The following ZFHX3 variants were observed in gnomAD, a reference collection of about 807,000 sequenced individuals.
ZFHX3 encodes zinc finger homeobox protein 3.
Under a neutral mutation model 279.1 loss-of-function variants are expected in ZFHX3, and 42 were observed. The observed-to-expected ratio is 0.15, with a 90% confidence interval of 0.12 to 0.19. ZFHX3 has a LOEUF of 0.19. Ranked by LOEUF, ZFHX3 falls within the 10% of genes least tolerant of loss-of-function variation. The pLI is 1.00. For synonymous variants in ZFHX3, 2,293 were observed against 1,957.8 expected, an observed-to-expected ratio of 1.17 and a Z score of -4.52; for missense variants, 4,981 against 4,754.0, an observed-to-expected ratio of 1.05 and a Z score of -1.40.
At chr16:73,228,283 G>A (rs764693616) in intron 5 of ZFHX3, among the ~76,000 whole-genome samples, 1 of 152,124 alleles carries the variant, frequency 6.6e-6, no homozygotes, top group Non-Finnish European at 1.5e-5. Context: ...TATGACTGTA[G>A]TGGTATAAAG....
At chr16:73,290,038 CACACACACACACAT>C (rs1199208035) in intron 4 of ZFHX3, among the ~76,000 whole-genome samples, 25 of 146,542 alleles carry the variant, frequency 1.7e-4, no homozygotes, top group South Asian at 4.5e-4. Flanking sequence ...CACACACACA[CACACACACACACAT>C]ATAGACATTT....
At chr16:73,031,330 G>C (rs1038663662) in intron 1 of ZFHX3, among the ~76,000 whole-genome samples, 3 of 152,172 alleles carry the variant, frequency 2.0e-5, no homozygotes, top group Non-Finnish European at 4.4e-5. Context: ...GTTCACACCA[G>C]CGAAGGAAGG....
intron 4 of ZFHX3, among the ~76,000 whole-genome samples, chr16:73,279,833 G>A (rs756055804): frequency 3.3e-5 from 5 of 152,120 alleles, no homozygotes; most frequent in African/African-American, 7.2e-5. Flanking sequence ...CCACAAATAA[G>A]ACACTGCAAC....
chr16:73,098,658 G>C (rs1017004633), intron 7 of ZFHX3: 2 of 152,402 alleles, frequency 1.3e-5, no homozygotes, highest in East Asian at 3.9e-4. Context: ...CACTGCACCT[G>C]GCTGTATATC....
chr16:73,234,506 A>G (rs1031591893), intron 5 of ZFHX3, among the ~76,000 whole-genome samples: 1 of 152,162 alleles, frequency 6.6e-6, no homozygotes, highest in African/African-American at 2.4e-5. Flanking sequence ...AATGAAAACA[A>G]ATGATCCTCT....
chr16:73,158,544 C>T (rs1597191061), intron 5 of ZFHX3, among the ~76,000 whole-genome samples: 1 of 151,874 alleles, frequency 6.6e-6, no homozygotes, highest in African/African-American at 2.4e-5. Flanking sequence ...CAAACATTTA[C>T]ATTTAGACAT....
rs141386091 is a variant in ZFHX3, at chr16:73,759,741, T to C, written c.-1607-79501A>G. Among the ~76,000 whole-genome samples, 253 of 152,286 alleles carry C rather than the reference T, an allele frequency of 1.7e-3. 2 individuals are homozygous for C. Among genetic ancestry groups the C allele is most frequent in the African/African-American group, 5.6e-3 (231 of 41,570 alleles). ...GAGGATACTTTGGTTTCCAGTATTA[T>C]GGGCCCAATTCTATAAGCTATGCCC... On this transcript the variant is annotated intron_variant, in intron 1 of 17. Transcript: ENST00000641206.
At chr16:73,691,571 T>C (rs1048130053) in intron 1 of ZFHX3, among the ~76,000 whole-genome samples, 8 of 152,244 alleles carry the variant, frequency 5.3e-5, no homozygotes, top group African/African-American at 1.9e-4. Context: ...GTTTATCATA[T>C]ATCAAATATT....
chr16:73,757,644 C>A (rs2053824001), intron 1 of ZFHX3, among the ~76,000 whole-genome samples: 1 of 152,022 alleles, frequency 6.6e-6, no homozygotes, highest in Non-Finnish European at 1.5e-5. Flanking sequence ...AGGAAACAGA[C>A]CCCAAACGAT....
chr16:73,878,999 T>C (rs1162451704), intron 1 of ZFHX3, among the ~76,000 whole-genome samples: 3 of 150,312 alleles, frequency 2.0e-5, no homozygotes, highest in Non-Finnish European at 4.4e-5. Flanking sequence ...TATAGATCAT[T>C]ATGTTCTTCC....
intron 8 of ZFHX3, 22 bp downstream of exon 8, chr16:72,800,005 G>T: frequency 6.2e-7 from 1 of 1,604,026 alleles, no homozygotes. Context: ...AATTTCTTGG[G>T]GTCAAGAATA....
At chr16:73,774,999 A>G (rs1260835454) in intron 1 of ZFHX3, among the ~76,000 whole-genome samples, 1 of 151,904 alleles carries the variant, frequency 6.6e-6, no homozygotes, top group Non-Finnish European at 1.5e-5. Context: ...CATCTCTTGG[A>G]CTCTGCTAGC....
At chr16:72,914,703 T>C (rs2039397989) in intron 3 of ZFHX3, among the ~76,000 whole-genome samples, 1 of 152,098 alleles carries the variant, frequency 6.6e-6, no homozygotes. Flanking sequence ...AAGAATAACA[T>C]AGGCTAGGCT....
chr16:73,388,495 C>T lies in ZFHX3; in HGVS notation c.-1291+67508G>A, dbSNP rs555231906. On this transcript the variant is annotated intron_variant, in intron 3 of 17. Coordinates refer to the ZFHX3 transcript ENST00000641206. ...AAAATATCCTAGTCCCTGCACTAGC[C>T]GCTTTTGAAATATCCTGTTTAAAAT... 1.4e-4 allele frequency among the ~76,000 whole-genome samples: 21 copies of T among 152,294 alleles called. 1 individual carries two copies. Among genetic ancestry groups the T allele is most frequent in the Admixed American group, 1.2e-3 (18 of 15,306 alleles).
chr16:73,125,915 T>C (rs1966561759), intron 7 of ZFHX3, among the ~76,000 whole-genome samples: 1 of 151,968 alleles, frequency 6.6e-6, no homozygotes, highest in Non-Finnish European at 1.5e-5. Context: ...AGATGAGAAA[T>C]TGAGGCAAAG....
chr16:73,230,304 A>G (rs1265152040), intron 5 of ZFHX3, among the ~76,000 whole-genome samples: 1 of 152,268 alleles, frequency 6.6e-6, no homozygotes, highest in Non-Finnish European at 1.5e-5. Context: ...TGGAATACCA[A>G]TGAAGATAAT....
chr16:73,643,987 TAAC>T (rs1160909699), intron 2 of ZFHX3, among the ~76,000 whole-genome samples: 29 of 152,144 alleles, frequency 1.9e-4, no homozygotes, highest in Non-Finnish European at 2.8e-4. Flanking sequence ...ACATTGAAAA[TAAC>T]AACCTCTTAA....
chr16:73,484,207 C>T (rs1337643463), intron 2 of ZFHX3, among the ~76,000 whole-genome samples: 7 of 152,246 alleles, frequency 4.6e-5, no homozygotes, highest in African/African-American at 1.7e-4. Context: ...AGAAAACGCT[C>T]TTTCCACGAA....
At chr16:73,113,573 T>C (rs1022325706) in intron 7 of ZFHX3, among the ~76,000 whole-genome samples, 1 of 152,078 alleles carries the variant, frequency 6.6e-6, no homozygotes, top group African/African-American at 2.4e-5. Flanking sequence ...GCTATAATCA[T>C]ACACCCACTA....
Sources: gnomAD v4.1 joint callset for allele counts (sites outside exome capture counted in the v4.1 genomes callset) on GRCh38, gnomAD v4.1.1 for gene constraint, MANE v1.5 for transcripts, NCBI Gene and HGNC (gene_info 2026-07-23, HGNC 2026-07-21) for gene names.